Variants in SUPT3H observed in about 807,000 individuals in gnomAD.
The protein encoded by SUPT3H is SPT3 homolog, SAGA and STAGA complex component, also known as transcription initiation protein SPT3 homolog.
A neutral mutation model predicts 44.3 loss-of-function variants in SUPT3H; 44 were observed. That is an observed-to-expected ratio of 0.99 (90% confidence interval 0.78 to 1.28). The LOEUF (loss-of-function observed/expected upper bound fraction) is 1.28. Among genes scored for constraint, SUPT3H ranks in the 50% most tolerant of loss-of-function variants. The probability of loss-of-function intolerance (pLI) is 0.00; values close to 1 mark genes in which losing one functional copy is unlikely to be tolerated. For missense variants in SUPT3H, 380 were observed against 387.1 expected, an observed-to-expected ratio of 0.98 and a Z score of 0.15; for synonymous variants, 124 against 125.6, an observed-to-expected ratio of 0.99 and a Z score of 0.09.
At chr6:45,197,001 GA>G (rs982929318) in intron 2 of SUPT3H, among the ~76,000 whole-genome samples, 4 of 149,708 alleles carry the variant, frequency 2.7e-5, no homozygotes, top group African/African-American at 7.3e-5. Flanking sequence ...CTGAGGAGAA[GA>G]AAAAAAAATC....
intron 2 of SUPT3H, among the ~76,000 whole-genome samples, chr6:45,113,827 C>CAAAAAAAAAAAA (rs374606230): frequency 3.5e-5 from 4 of 112,790 alleles, no homozygotes; most frequent in African/African-American, 1.0e-4. Flanking sequence ...AAGACTCCAT[C>CAAAAAAAAAAAA]AAAAAAAAAA....
chr6:45,276,451 G>A (rs566055451), intron 2 of SUPT3H, among the ~76,000 whole-genome samples: 1 of 152,136 alleles, frequency 6.6e-6, no homozygotes, highest in Non-Finnish European at 1.5e-5. Context: ...TTTAGGGTCT[G>A]TGAGATAGAT....
intron 2 of SUPT3H, among the ~76,000 whole-genome samples, chr6:45,238,805 G>T (rs150054085): frequency 6.6e-6 from 1 of 152,132 alleles, no homozygotes; most frequent in African/African-American, 2.4e-5. Flanking sequence ...TCCCTCTCAC[G>T]AAGGCACAAA....
At position 45,257,997 on chromosome 6, in the gene SUPT3H, A is replaced by C. The variant is rs117013551; in HGVS notation, c.101+107204T>G. On this transcript the variant is annotated intron_variant, in intron 2 of 10. Transcript: ENST00000371459. ...ATATTTCCATTTACGAAACATAATA[A>C]TTCTCGATCACGGAAAACCTCAAAT... Among the ~76,000 whole-genome samples, 62 of 152,346 alleles carry C rather than the reference A, an allele frequency of 4.1e-4. No individual in the cohort carries two copies. In the East Asian group the frequency reaches 0.012, roughly 29 times the overall value.
At chr6:45,141,858 G>C (rs1251519476) in intron 2 of SUPT3H, among the ~76,000 whole-genome samples, 2 of 152,208 alleles carry the variant, frequency 1.3e-5, no homozygotes, top group Non-Finnish European at 2.9e-5. Context: ...AGTCTAGCTA[G>C]AGATCTAGAC....
intron 6 of SUPT3H, among the ~76,000 whole-genome samples, chr6:44,988,018 T>A (rs1293754661): frequency 6.6e-6 from 1 of 152,160 alleles, no homozygotes; most frequent in Non-Finnish European, 1.5e-5. Context: ...GTAAGATTAG[T>A]CTGCTTATTT....
chr6:44,992,660 A>C (rs59512299), intron 6 of SUPT3H, among the ~76,000 whole-genome samples: 11,493 of 152,124 alleles, frequency 0.076, 857 homozygotes, highest in African/African-American at 0.18. Flanking sequence ...CTGCAGACTA[A>C]AGAAAGGAAT....
chr6:45,238,415 C>T (rs577295898), intron 2 of SUPT3H, among the ~76,000 whole-genome samples: 14 of 152,292 alleles, frequency 9.2e-5, no homozygotes, highest in African/African-American at 3.4e-4. Flanking sequence ...TTGGATATGA[C>T]CTGCTCTAGG....
At chr6:45,328,277 G>A (rs764602062) in intron 2 of SUPT3H, 7 of 1,360,442 alleles carry the variant, frequency 5.1e-6, no homozygotes, top group South Asian at 4.6e-5. Context: ...AATAGTGCTT[G>A]CAAAAAAAAG....
intron 2 of SUPT3H, among the ~76,000 whole-genome samples, chr6:45,332,080 A>C (rs1218022961): frequency 1.3e-5 from 2 of 152,008 alleles, no homozygotes; most frequent in East Asian, 3.9e-4. Context: ...CCAATACTTT[A>C]AAGCAGCGCT....
chr6:44,971,897 C>T (rs955738634), intron 6 of SUPT3H, among the ~76,000 whole-genome samples: 1 of 152,136 alleles, frequency 6.6e-6, no homozygotes, highest in Admixed American at 6.5e-5. Context: ...CTCAGCATCC[C>T]GAGTAGCTGG....
chr6:44,963,929 C>CAG (rs1363248209), intron 6 of SUPT3H, among the ~76,000 whole-genome samples: 1 of 149,130 alleles, frequency 6.7e-6, no homozygotes, highest in African/African-American at 2.5e-5. Flanking sequence ...ACTCGGGAGG[C>CAG]AGAGGTTGTA....
At chr6:45,218,077 T>G (rs1288784614) in intron 2 of SUPT3H, among the ~76,000 whole-genome samples, 1 of 152,086 alleles carries the variant, frequency 6.6e-6, no homozygotes, top group Non-Finnish European at 1.5e-5. Context: ...ATGAAAATTG[T>G]TGAAATATAC....
At chr6:45,263,701 C>T (rs1011290047) in intron 2 of SUPT3H, among the ~76,000 whole-genome samples, 3 of 152,068 alleles carry the variant, frequency 2.0e-5, no homozygotes, top group Non-Finnish European at 4.4e-5. Context: ...AACGGACTTG[C>T]TGCATGATGA....
At chr6:45,007,074 T>G (rs1334309302) in intron 5 of SUPT3H, among the ~76,000 whole-genome samples, 1 of 152,162 alleles carries the variant, frequency 6.6e-6, no homozygotes, top group Non-Finnish European at 1.5e-5. Flanking sequence ...GGGTATAAAG[T>G]CCTTGGATTG....
chr6:44,948,557 A>C (rs1366155285), intron 9 of SUPT3H, among the ~76,000 whole-genome samples: 1 of 152,204 alleles, frequency 6.6e-6, no homozygotes, highest in Non-Finnish European at 1.5e-5. Flanking sequence ...AAAATCAAAC[A>C]ACCCAATCAA....
At chr6:45,195,142 C>T (rs934964395) in intron 2 of SUPT3H, among the ~76,000 whole-genome samples, 4 of 152,020 alleles carry the variant, frequency 2.6e-5, no homozygotes, top group East Asian at 1.9e-4. Flanking sequence ...AAAGAAGGGA[C>T]GTGAAATGAG....
At chr6:45,043,798 A>G (rs1788962860) in intron 3 of SUPT3H, among the ~76,000 whole-genome samples, 1 of 152,180 alleles carries the variant, frequency 6.6e-6, no homozygotes, top group South Asian at 2.1e-4. Context: ...AGCTTTCACT[A>G]ATTTCAAATT....
intron 3 of SUPT3H, chr6:45,098,835 A>G (rs139537203): frequency 2.6e-5 from 14 of 547,448 alleles, no homozygotes; most frequent in African/African-American, 2.1e-4. Flanking sequence ...AGGTTTCCAC[A>G]GGGCAGGCTG....
Sources: gnomAD v4.1 joint callset for allele counts (sites outside exome capture counted in the v4.1 genomes callset) on GRCh38, gnomAD v4.1.1 for gene constraint, MANE v1.5 for transcripts, NCBI Gene and HGNC (gene_info 2026-07-23, HGNC 2026-07-21) for gene names.